The following SYNE1 variants were observed in gnomAD, a reference collection of about 807,000 sequenced individuals.
The protein encoded by SYNE1 is spectrin repeat containing nuclear envelope protein 1.
SYNE1 carries 616 observed loss-of-function variants against 1,111.0 expected under a neutral mutation model. The ratio of observed to expected loss-of-function variants is 0.55; its 90% CI spans 0.52 to 0.59. The LOEUF is 0.59. SYNE1 is among the 20% of genes least tolerant of loss of function. The pLI is 0.00. For missense variants in SYNE1, 10,006 were observed against 10,417.0 expected (o/e 0.96, Z 1.72); for synonymous variants, 3,855 against 3,825.8 (o/e 1.01, Z -0.28).
chr6:152,181,881 T>C (rs565440235), intron 128 of SYNE1, among the ~76,000 whole-genome samples: 1 of 152,336 alleles, frequency 6.6e-6, no homozygotes, highest in South Asian at 2.1e-4. Flanking sequence ...GCTGCCCATT[T>C]CACATTCCCA....
At position 152,404,286 on chromosome 6, in the gene SYNE1, A is replaced by C. The variant is rs773888851; in HGVS notation, c.6752T>G (p.Leu2251Trp). The change falls in exon 46 of 146, where the codon TTG (leucine) becomes TGG (tryptophan). Residue 2251 changes from leucine to tryptophan, a missense_variant. Leu to Trp is a moderately conservative substitution (Grantham distance 61). This residue lies in a region of SYNE1 where 4,955 missense variants were observed against 5,017.2 expected (regional missense o/e 0.99). Coordinates refer to ENST00000367255, the MANE Select transcript of SYNE1 (RefSeq NM_182961.4). ...ATTAACTTTGGAATGCAGTTCTTCC[A>C]ATCTCAATGCTTTGTTTTTAACTTC... ...ESEVKNKALR[L>W]EELHSKVNDL... 4.3e-6 allele frequency: 7 copies of C among 1,612,638 alleles called. No individual in the cohort carries two copies. In the African/African-American group the frequency reaches 9.4e-5, roughly 22 times the overall value.
In SYNE1 at chr6:152,498,822, A is replaced by C. The variant is rs549345412; in HGVS notation, c.889-30T>G. 9.3e-6 allele frequency: 12 copies of C among 1,295,340 alleles called. No homozygotes were observed. In the South Asian group the frequency reaches 1.9e-4, roughly 21 times the overall value. The allele number at this position is 1,295,340 out of a possible 1,614,324, so 80.2% of individuals were successfully genotyped here. The stretch of plus-strand genomic sequence containing the variant: ...CAATATGAAAAGATAATATATAGAA[A>C]TATAATATAAATCAGGGTCAAAAAT... On this transcript the variant is annotated intron_variant, in intron 10 of 145. Transcript: ENST00000367255.
Position 152,189,305 on chromosome 6 carries a change from G to A in SYNE1, c.23248C>T (p.Leu7750Phe), listed in dbSNP as rs778500015. 1.8e-5 allele frequency: 29 copies of A among 1,613,928 alleles called. No individual in the cohort carries two copies. The highest frequency in any genetic ancestry group is 2.3e-5 in the Non-Finnish European group (27 of 1,179,994). Reference protein sequence around the residue: ...AYISADDISILNERVELLQRQ... With the variant: ...AYISADDISIFNERVELLQRQ... Reference sequence around the variant, plus strand: ...TGCAGAAGCTCTACGCGTTCATTAAGAATGGAGATATCATCAGCACTGATA... The same window carrying A: ...TGCAGAAGCTCTACGCGTTCATTAAAAATGGAGATATCATCAGCACTGATA... Residue 7750 changes from leucine (L) to phenylalanine (F), a missense_variant, in exon 128 of 146, where the codon CTT becomes TTT. By Grantham distance (22) the Leu-to-Phe change is conservative (BLOSUM62 0). Coordinates refer to ENST00000367255, the MANE Select transcript of SYNE1 (RefSeq NM_182961.4).
Position 152,216,678 on chromosome 6 carries a change from C to T in SYNE1, c.22191+1579G>A, listed in dbSNP as rs550584780. ...CTTTTCCCTAAGAGCAGTGGGAAAC[C>T]TTGAGAGCTTTAACCAAGGGAATAA... is the stretch of plus-strand genomic sequence containing the variant. On this transcript the variant is annotated intron_variant, in intron 121 of 145. Transcript: ENST00000367255. Among the ~76,000 whole-genome samples, 3 of 151,964 alleles carry T rather than the reference C, an allele frequency of 2.0e-5. No individual in the cohort carries two copies. In the East Asian group the frequency reaches 5.8e-4, roughly 29 times the overall value.
intron 3 of SYNE1, among the ~76,000 whole-genome samples, chr6:152,606,132 A>G (rs2038615): frequency 0.64 from 97,495 of 151,894 alleles, 31,405 homozygotes; most frequent in Non-Finnish European, 0.68. Context: ...TGTTGTCTGT[A>G]ACCCAGTGGC....
intron 70 of SYNE1, among the ~76,000 whole-genome samples, chr6:152,351,249 G>T (rs1171697689): frequency 1.3e-5 from 2 of 152,212 alleles, no homozygotes; most frequent in Non-Finnish European, 2.9e-5. Flanking sequence ...AGGAGGAAGA[G>T]GTTGTGATTC....
intron 3 of SYNE1, among the ~76,000 whole-genome samples, chr6:152,583,248 C>T (rs887894712): frequency 6.6e-6 from 1 of 152,096 alleles, no homozygotes; most frequent in Non-Finnish European, 1.5e-5. Flanking sequence ...CGGCTTCATG[C>T]GTCACATCCT....
At chr6:152,331,937 A>G (rs1590247752) in intron 77 of SYNE1, 47 bp from the exon 78 acceptor site, 2 of 1,602,054 alleles carry the variant, frequency 1.2e-6, no homozygotes, top group Admixed American at 1.7e-5. Flanking sequence ...TGTAGTCAAT[A>G]TCGATGTTTG....
chr6:152,439,926 G>A (rs1257124385), intron 32 of SYNE1, among the ~76,000 whole-genome samples: 2 of 152,090 alleles, frequency 1.3e-5, no homozygotes, highest in African/African-American at 4.8e-5. Context: ...TACTAAATAC[G>A]GTCTGTTTGA....
intron 14 of SYNE1, among the ~76,000 whole-genome samples, chr6:152,477,096 C>T (rs2098839371): frequency 6.6e-6 from 1 of 151,954 alleles, no homozygotes; most frequent in Non-Finnish European, 1.5e-5. Flanking sequence ...CAAATGCACA[C>T]ATTTTTAGAA....
At chr6:152,130,854 TTAAAC>T (rs1305812156) in intron 144 of SYNE1, 76 bp from the exon 145 acceptor site, 1 of 1,485,538 alleles carries the variant, frequency 6.7e-7, no homozygotes, top group African/African-American at 1.4e-5. Context: ...CTAATGAAAA[TTAAAC>T]TAAAAGTGCA....
chr6:152,509,517 G>A (rs2099074692), intron 8 of SYNE1, among the ~76,000 whole-genome samples: 1 of 151,982 alleles, frequency 6.6e-6, no homozygotes, highest in Non-Finnish European at 1.5e-5. Flanking sequence ...TCAGCCTACC[G>A]AAGAGCTGGG....
In SYNE1 at chr6:152,330,336, G is replaced by T; in HGVS notation, c.14349C>A (p.His4783Gln). 2 of 1,614,076 alleles carry T rather than the reference G, an allele frequency of 1.2e-6. No homozygotes were observed. Among genetic ancestry groups the T allele is most frequent in the Non-Finnish European group, 1.7e-6 (2 of 1,180,020 alleles). Residue 4783 changes from histidine (H) to glutamine (Q), a missense_variant, in exon 78 of 146, where the codon CAC (histidine) becomes CAA (glutamine). Physicochemically the swap from His to Gln is conservative, Grantham distance 24. Transcript: ENST00000367255. The stretch of plus-strand genomic sequence containing the variant: ...TCTCCAGCTGTTGGCACATCTTCTC[G>T]TGTTCTTGGTAAGCACTGGTGGTGT... ...LEDTTSAYQEHEKMCQQLERQ... is the reference protein window; with the variant it reads ...LEDTTSAYQEQEKMCQQLERQ...
intron 100 of SYNE1, among the ~76,000 whole-genome samples, chr6:152,267,331 A>G (rs1454194440): frequency 6.6e-6 from 1 of 152,180 alleles, no homozygotes; most frequent in Non-Finnish European, 1.5e-5. Context: ...TTTAGATTTC[A>G]AAGAAAGTTT....
At chr6:152,556,323 A>G (rs1243818695) in intron 3 of SYNE1, among the ~76,000 whole-genome samples, 1 of 152,174 alleles carries the variant, frequency 6.6e-6, no homozygotes, top group Admixed American at 6.5e-5. Flanking sequence ...CCATGGAGAG[A>G]TAACTTCCAT....
intron 59 of SYNE1, among the ~76,000 whole-genome samples, chr6:152,371,064 T>C (rs1379952833): frequency 6.6e-6 from 1 of 152,190 alleles, no homozygotes; most frequent in Admixed American, 6.5e-5. Flanking sequence ...TAGAAGATGC[T>C]CAACAAATAT....
At chr6:152,419,516 CT>C (rs1227994543) in intron 40 of SYNE1, 52 bp downstream of exon 40, 1 of 1,542,552 alleles carries the variant, frequency 6.5e-7, no homozygotes, top group Non-Finnish European at 8.8e-7. Flanking sequence ...AATTCAAGAA[CT>C]TTTTTATGAA....
chr6:152,222,495 G>A (rs1419523130), intron 117 of SYNE1, among the ~76,000 whole-genome samples: 4 of 152,144 alleles, frequency 2.6e-5, no homozygotes, highest in Non-Finnish European at 4.4e-5. Context: ...TTATCTCTGG[G>A]TGTTCTTCCT....
intron 15 of SYNE1, 43 bp from the exon 16 acceptor site, chr6:152,471,808 T>C: frequency 6.3e-7 from 1 of 1,580,154 alleles, no homozygotes; most frequent in South Asian, 1.1e-5. Context: ...TAACTAATAG[T>C]AACAGAACTG....
Sources: gnomAD v4.1 joint callset for allele counts (sites outside exome capture counted in the v4.1 genomes callset) on GRCh38, gnomAD v4.1.1 for gene constraint, gnomAD v4.1.1 regional missense constraint, MANE v1.5 for transcripts, NCBI Gene and HGNC (gene_info 2026-07-23, HGNC 2026-07-21) for gene names.